Variants in GAREM1 observed in about 807,000 individuals in gnomAD.
GAREM1 encodes the protein GRB2 associated regulator of MAPK1 subtype 1.
A neutral mutation model predicts 71.3 loss-of-function variants in GAREM1; 26 were observed. The ratio of observed to expected loss-of-function variants is 0.36; its 90% CI spans 0.27 to 0.51. The LOEUF (loss-of-function observed/expected upper bound fraction) is 0.51. Ranked by LOEUF, GAREM1 falls within the 20% of genes least tolerant of loss-of-function variation. The pLI, the probability that GAREM1 is intolerant of heterozygous loss-of-function variation, is 0.95. For missense variants in GAREM1, 1,026 were observed against 1,103.1 expected (o/e 0.93, Z 0.99); for synonymous variants, 440 against 433.2 (o/e 1.02, Z -0.20).
rs186126882 is a variant in GAREM1 at position 32,466,311 on chromosome 18, T to A, written c.121+3997A>T. ...AATTTAAAGAGATAAAGAAAAGGTG[T>A]AAAATGTTTAACTTTCAAAAGATTG... is the stretch of plus-strand genomic sequence containing the variant. On this transcript the variant is annotated intron_variant, in intron 1 of 5. Transcript: ENST00000269209. Among the ~76,000 whole-genome samples the A allele has an allele frequency of 8.5e-5, 13 of 152,256 alleles. No homozygotes were observed. The East Asian group carries it at 2.5e-3, about 29-fold the overall frequency.
chr18:32,389,938 C>T (rs570519778), intron 2 of GAREM1, among the ~76,000 whole-genome samples: 1 of 152,056 alleles, frequency 6.6e-6, no homozygotes, highest in Non-Finnish European at 1.5e-5. Context: ...TTTGAAAGGC[C>T]AAGGCAGGTG....
At chr18:32,309,499 C>T (rs965195354) in intron 3 of GAREM1, among the ~76,000 whole-genome samples, 3 of 132,918 alleles carry the variant, frequency 2.3e-5, no homozygotes, top group African/African-American at 8.7e-5. Context: ...GCCTATAGCC[C>T]CAGCTGCTGG....
At chr18:32,461,875 G>GT (rs982071217) in intron 1 of GAREM1, among the ~76,000 whole-genome samples, 1 of 152,162 alleles carries the variant, frequency 6.6e-6, no homozygotes. Flanking sequence ...CGGCAGCTCA[G>GT]TAAGTGAAAA....
chr18:32,390,730 G>C (rs2048187916), intron 2 of GAREM1, among the ~76,000 whole-genome samples: 1 of 152,176 alleles, frequency 6.6e-6, no homozygotes. Context: ...AAATATTTGT[G>C]TGTGTTTGAG....
chr18:32,304,871 T>C (rs1344973640), intron 3 of GAREM1, among the ~76,000 whole-genome samples: 2 of 151,828 alleles, frequency 1.3e-5, no homozygotes, highest in Non-Finnish European at 2.9e-5. Context: ...AAGAAAAATA[T>C]ATGGCTTGAA....
Position 32,287,134 on chromosome 18 carries a change from T to G in GAREM1, c.1463A>C (p.Lys488Thr). The G allele has an allele frequency of 6.2e-7, 1 of 1,614,212 alleles. No individual in the cohort carries two copies. The highest frequency in any genetic ancestry group is 8.5e-7 in the Non-Finnish European group (1 of 1,180,024). Residue 488 changes from lysine (K) to threonine (T), a missense_variant, in exon 4 of 6, where the codon AAA (lysine) becomes ACA (threonine). By Grantham distance (78) the Lys-to-Thr change is moderately conservative. Around this residue, in one of 3 missense-constraint regions of GAREM1, gnomAD observed 636 missense variants for 631.2 expected, o/e 1.01. Transcript: ENST00000269209. This position sits in a 1 kb window ranked among gnomAD's most constrained non-coding sequence, Gnocchi z 5.9. ...CDQFRGSVRS[K>T]CATSPLPIPG... ...GATGGGAAGAGGAGAAGTCGCACAT[T>G]TGGATCGGACAGAACCTCTAAACTG...
chr18:32,421,001 G>A (rs2048515113), intron 1 of GAREM1, among the ~76,000 whole-genome samples: 1 of 152,058 alleles, frequency 6.6e-6, no homozygotes, highest in South Asian at 2.1e-4. Context: ...GATTCAGAAA[G>A]GACATAAACT....
rs542171269 is a variant in GAREM1, at chr18:32,446,621, C to A, written c.121+23687G>T. On this transcript the variant is annotated intron_variant, in intron 1 of 5. Transcript: ENST00000269209. ...ATGAAATCCGTATCTGACTGTGGTT[C>A]AAAAGAATAACAACTTCCAAAGCAA... Among the ~76,000 whole-genome samples, 14 of 152,260 alleles carry A rather than the reference C, an allele frequency of 9.2e-5. No homozygotes were observed. The South Asian group carries it at 2.3e-3, about 25-fold the overall frequency.
At position 32,392,954 on chromosome 18, in the gene GAREM1, C is replaced by T; in HGVS notation, c.203G>A (p.Ser68Asn). 6.2e-7 allele frequency: 1 copy of T among 1,613,912 alleles called. No individual in the cohort carries two copies. Among genetic ancestry groups the T allele is most frequent in the Non-Finnish European group, 8.5e-7 (1 of 1,179,888 alleles). The change falls in exon 2 of 6, where the codon AGC (serine) becomes AAC (asparagine). Residue 68 changes from serine (S) to asparagine (N), a missense_variant. Around this residue, in one of 3 missense-constraint regions of GAREM1, gnomAD observed 172 missense variants for 175.2 expected, o/e 0.98. Transcript: ENST00000269209. ...AATGACATAGTGACCCTCCTCCAAG[C>T]TGTGGGCAGTGATGGTGGTCCACTG... ...CRQWTTITAH[S>N]LEEGHYVIGP...
At chr18:32,271,133 A>G (rs562156947) in intron 4 of GAREM1, among the ~76,000 whole-genome samples, 1 of 151,856 alleles carries the variant, frequency 6.6e-6, no homozygotes, top group African/African-American at 2.4e-5. Context: ...CTCCCAAAGC[A>G]TTGGGATTAT....
In GAREM1 at chr18:32,375,959, A is replaced by G. The variant is rs117471645; in HGVS notation, c.262+16936T>C. The stretch of plus-strand genomic sequence containing the variant: ...TGGATTTCTAGGCATCTTAATTTCT[A>G]ACAGAAGTCTGCATGAACTTAGTTG... On this transcript the variant is annotated intron_variant, in intron 2 of 5. Transcript: ENST00000269209. Among the ~76,000 whole-genome samples, 1,505 of 152,298 alleles carry G rather than the reference A, an allele frequency of 9.9e-3. 14 individuals carry two copies. Among genetic ancestry groups the G allele is most frequent in the Middle Eastern group, 0.024 (7 of 292 alleles).
rs755431262 is a variant in GAREM1, at chr18:32,287,490, G to A, written c.1107C>T (p.Pro369=). The A allele has an allele frequency of 2.5e-6, 4 of 1,614,196 alleles. No homozygotes were observed. The Admixed American group carries it at 5.0e-5, about 20-fold the overall frequency. The part of the protein sequence containing the change: ...KGRCSGHNHV[P]NSLSYARDEL... ...CATCGCGGGCGTAGCTGAGCGAATT[G>A]GGCACGTGGTTGTGGCCAGAGCACC... is the stretch of plus-strand genomic sequence containing the variant. Residue 369 remains proline (P), a synonymous_variant, in exon 4 of 6, where the codon CCC becomes CCT. Coordinates refer to ENST00000269209, the MANE Select transcript of GAREM1 (RefSeq NM_001242409.2). This position sits in a 1 kb window ranked among gnomAD's most constrained non-coding sequence, Gnocchi z 5.9.
At chr18:32,332,631 G>A (rs2047548876) in intron 2 of GAREM1, among the ~76,000 whole-genome samples, 1 of 152,094 alleles carries the variant, frequency 6.6e-6, no homozygotes, top group African/African-American at 2.4e-5. Flanking sequence ...TTCAGTAGCT[G>A]AGTCCCACTC....
intron 2 of GAREM1, among the ~76,000 whole-genome samples, chr18:32,324,925 G>A (rs544124430): frequency 2.0e-5 from 3 of 152,310 alleles, no homozygotes; most frequent in Admixed American, 2.0e-4. Context: ...AAGGGTTAGG[G>A]AGGAGGAATG....
chr18:32,302,512 T>C (rs1212461868), intron 3 of GAREM1, among the ~76,000 whole-genome samples: 2 of 152,234 alleles, frequency 1.3e-5, no homozygotes, highest in African/African-American at 4.8e-5. Context: ...ATATACACAA[T>C]GGAATACTAT....
chr18:32,399,108 C>A (rs1224869475), intron 1 of GAREM1, among the ~76,000 whole-genome samples: 1 of 152,096 alleles, frequency 6.6e-6, no homozygotes, highest in African/African-American at 2.4e-5. Flanking sequence ...AGGCCTTGGA[C>A]AAAATTCAAC....
At chr18:32,399,268 G>C (rs2048287899) in intron 1 of GAREM1, among the ~76,000 whole-genome samples, 1 of 152,136 alleles carries the variant, frequency 6.6e-6, no homozygotes, top group African/African-American at 2.4e-5. Context: ...GCACAAGACA[G>C]GGATGCCCTC....
intron 1 of GAREM1, among the ~76,000 whole-genome samples, chr18:32,463,380 T>C (rs1452529305): frequency 6.6e-6 from 1 of 151,846 alleles, no homozygotes; most frequent in Non-Finnish European, 1.5e-5. Context: ...AAAAAGACAC[T>C]GGAAGAGCTA....
chr18:32,270,438 G>A (rs1337149926), intron 4 of GAREM1, 55 bp from the exon 5 acceptor site: 17 of 1,482,318 alleles, frequency 1.1e-5, no homozygotes, highest in South Asian at 3.8e-5. Flanking sequence ...GCCACGGGGC[G>A]CCAGCTCAAT....
Sources: gnomAD v4.1 joint callset for allele counts (sites outside exome capture counted in the v4.1 genomes callset) on GRCh38, gnomAD v4.1.1 for gene constraint, gnomAD v4.1.1 regional missense constraint, Gnocchi (gnomAD v3.1) non-coding constraint, MANE v1.5 for transcripts, NCBI Gene and HGNC (gene_info 2026-07-23, HGNC 2026-07-21) for gene names.